GLIS1: variants seen among roughly 807,000 people sequenced by gnomAD.
GLIS1 encodes the protein GLIS family zinc finger 1, also known as zinc finger protein GLIS1.
In GLIS1, 24 loss-of-function variants were observed where a neutral mutation model predicts 63.8. That is an observed-to-expected ratio of 0.38 (90% CI 0.27 to 0.53). GLIS1 has a LOEUF of 0.53. Among genes scored for constraint, GLIS1 ranks in the 20% least tolerant of loss-of-function variants. The probability of loss-of-function intolerance (pLI) is 0.85; values close to 1 mark genes in which losing one functional copy is unlikely to be tolerated. For missense variants in GLIS1, 1,036 were observed against 1,074.1 expected (o/e 0.96, Z 0.50); for synonymous variants, 450 against 482.5 (o/e 0.93, Z 0.88).
chr1:53,720,594 T>C (rs1235855228), intron 2 of GLIS1, among the ~76,000 whole-genome samples: 3 of 152,144 alleles, frequency 2.0e-5, no homozygotes, highest in South Asian at 2.1e-4. Context: ...AAAGTGACTA[T>C]AGTTAACAGT....
chr1:53,559,177 T>C (rs865975339), intron 4 of GLIS1, among the ~76,000 whole-genome samples: 10 of 152,190 alleles, frequency 6.6e-5, no homozygotes, highest in Admixed American at 6.5e-4. Context: ...GCTATCATTT[T>C]GTATAAACCC....
Position 53,709,417 on chromosome 1 carries a change from C to CATATATATACATATACATATATAT in GLIS1, c.259+28388_259+28389insATATATATGTATATGTATATATAT, listed in dbSNP as rs879357045. 1.1e-4 allele frequency among the ~76,000 whole-genome samples: 14 copies of CATATATATACATATACATATATAT among 122,770 alleles called. 1 individual carries two copies. In the South Asian group the frequency reaches 1.8e-3, roughly 16 times the overall value. 80.5% of individuals were successfully genotyped at this position (122,770 alleles called of 152,430 possible). A position where few individuals can be genotyped will look rare whatever the true frequency, so the allele number is the denominator to read the frequency against. The stretch of plus-strand genomic sequence containing the variant: ...ATACATATACATATATATATACACA[C>CATATATATACATATACATATATAT]ACACACACACACACACACACACACA... On this transcript the variant is annotated intron_variant, in intron 2 of 10. Coordinates refer to ENST00000628545, the MANE Select transcript of GLIS1 (RefSeq NM_001367484.1).
intron 2 of GLIS1, among the ~76,000 whole-genome samples, chr1:53,682,102 C>CG (rs1222051844): frequency 6.6e-6 from 1 of 152,226 alleles, no homozygotes; most frequent in Non-Finnish European, 1.5e-5. Context: ...ATCTGGCCAG[C>CG]GGGGGCCGTT....
intron 2 of GLIS1, among the ~76,000 whole-genome samples, chr1:53,657,886 C>T (rs991826732): frequency 6.6e-6 from 1 of 152,152 alleles, no homozygotes; most frequent in African/African-American, 2.4e-5. Flanking sequence ...TCCACCCTTG[C>T]CCCTTCTCTG....
intron 10 of GLIS1, 64 bp downstream of exon 10, chr1:53,509,056 C>T: frequency 7.0e-7 from 1 of 1,438,336 alleles, no homozygotes; most frequent in Non-Finnish European, 9.4e-7. Flanking sequence ...ACGTATGCAG[C>T]ACCCAGCACT....
intron 4 of GLIS1, among the ~76,000 whole-genome samples, chr1:53,533,899 A>T (rs140698885): frequency 6.6e-6 from 1 of 152,100 alleles, no homozygotes; most frequent in Non-Finnish European, 1.5e-5. Flanking sequence ...CAAATGTGGC[A>T]CCTTATCTTC....
chr1:53,633,445 G>A (rs1428140800), intron 2 of GLIS1, among the ~76,000 whole-genome samples: 1 of 144,624 alleles, frequency 6.9e-6, no homozygotes, highest in Non-Finnish European at 1.6e-5. Context: ...GTGAATGAGT[G>A]TGACTGAGGG....
chr1:53,606,952 A>G (rs1569908040), intron 2 of GLIS1, among the ~76,000 whole-genome samples: 1 of 152,292 alleles, frequency 6.6e-6, no homozygotes, highest in East Asian at 1.9e-4. Context: ...GAGCCAGCCC[A>G]TAGCTCCAGC....
intron 2 of GLIS1, among the ~76,000 whole-genome samples, chr1:53,713,754 C>T (rs1470808252): frequency 1.3e-5 from 2 of 152,272 alleles, no homozygotes; most frequent in South Asian, 4.1e-4. Flanking sequence ...TAGAGCAAGA[C>T]CCTACCTCAA....
intron 2 of GLIS1, among the ~76,000 whole-genome samples, chr1:53,734,910 T>C (rs1344308888): frequency 3.3e-5 from 5 of 152,230 alleles, no homozygotes; most frequent in Non-Finnish European, 7.3e-5. Context: ...GGAATCTGGA[T>C]AAACGGGACT....
At chr1:53,509,717 C>A in intron 9 of GLIS1, 132 bp downstream of exon 9, 1 of 526,358 alleles carries the variant, frequency 1.9e-6, no homozygotes, top group Non-Finnish European at 3.0e-6. Flanking sequence ...TAGCTTCTCT[C>A]AGCCCCCAGT....
intron 2 of GLIS1, among the ~76,000 whole-genome samples, chr1:53,651,668 G>A (rs1238662279): frequency 1.3e-5 from 2 of 152,134 alleles, no homozygotes; most frequent in Non-Finnish European, 2.9e-5. Flanking sequence ...TTGAGGCCAA[G>A]AGTTTGAGAC....
chr1:53,731,593 C>T (rs2100574642), intron 2 of GLIS1, among the ~76,000 whole-genome samples: 1 of 152,348 alleles, frequency 6.6e-6, no homozygotes, highest in East Asian at 1.9e-4. Context: ...TTGCTTACTA[C>T]ATGCACAACC....
intron 2 of GLIS1, among the ~76,000 whole-genome samples, chr1:53,605,412 G>T (rs1032912933): frequency 1.3e-5 from 2 of 152,190 alleles, no homozygotes; most frequent in African/African-American, 4.8e-5. Flanking sequence ...AATGGTGCTT[G>T]GTCTCCTGCC....
At chr1:53,694,456 C>T (rs952401320) in intron 2 of GLIS1, among the ~76,000 whole-genome samples, 1 of 152,216 alleles carries the variant, frequency 6.6e-6, no homozygotes, top group South Asian at 2.1e-4. Flanking sequence ...ATGGGCTGCA[C>T]CCAGTGTCCC....
intron 2 of GLIS1, among the ~76,000 whole-genome samples, chr1:53,632,443 T>TGTG (rs1645666093): frequency 7.3e-6 from 1 of 136,368 alleles, no homozygotes; most frequent in African/African-American, 2.9e-5. Context: ...CTGAGGGGTG[T>TGTG]AATGAGTGTG....
intron 4 of GLIS1, among the ~76,000 whole-genome samples, chr1:53,556,750 G>A (rs548733143): frequency 9.6e-4 from 141 of 146,396 alleles, no homozygotes; most frequent in Admixed American, 3.8e-3. Context: ...GTGTGTGTGC[G>A]CAGATACTTG....
intron 2 of GLIS1, among the ~76,000 whole-genome samples, chr1:53,736,929 A>G (rs1646918147): frequency 6.6e-6 from 1 of 152,036 alleles, no homozygotes; most frequent in African/African-American, 2.4e-5. Flanking sequence ...GAGAACCAAG[A>G]GGTTCCAAAT....
chr1:53,648,006 T>C (rs1471536076), intron 2 of GLIS1, among the ~76,000 whole-genome samples: 1 of 151,906 alleles, frequency 6.6e-6, no homozygotes, highest in Admixed American at 6.6e-5. Flanking sequence ...ACTCCATTGC[T>C]ACAAAAAAAC....
Sources: allele counts gnomAD v4.1 joint callset (sites outside exome capture counted in the v4.1 genomes callset), GRCh38; gene constraint gnomAD v4.1.1; transcripts MANE v1.5; gene names NCBI Gene and HGNC (gene_info 2026-07-23, HGNC 2026-07-21).